Variants in AGBL3 observed in about 807,000 individuals in gnomAD.
AGBL3 encodes the protein cytosolic carboxypeptidase 3.
AGBL3 carries 68 observed loss-of-function variants against 94.5 expected under a neutral mutation model. The ratio of observed to expected loss-of-function variants is 0.72; its 90% CI spans 0.59 to 0.88. The LOEUF is 0.88. Among genes scored for constraint, AGBL3 ranks in the 40% least tolerant of loss-of-function variants. The pLI is 0.00. For synonymous variants in AGBL3, 354 were observed against 370.7 expected (o/e 0.95, Z 0.52); for missense variants, 934 against 1,103.8 (o/e 0.85, Z 2.18).
intron 4 of AGBL3, among the ~76,000 whole-genome samples, chr7:135,016,794 T>A (rs903321539): frequency 1.3e-5 from 2 of 152,130 alleles, no homozygotes; most frequent in Non-Finnish European, 2.9e-5. Flanking sequence ...AAAATAGGTA[T>A]AAAATCAGTA....
chr7:135,106,579 G>A (rs1292128608), intron 15 of AGBL3, among the ~76,000 whole-genome samples: 1 of 152,198 alleles, frequency 6.6e-6, no homozygotes, highest in Middle Eastern at 3.2e-3. Context: ...GATCATGGTG[G>A]ATTAGCTTTT....
intron 16 of AGBL3, among the ~76,000 whole-genome samples, chr7:135,130,414 T>G (rs184173619): frequency 6.6e-6 from 1 of 152,276 alleles, no homozygotes; most frequent in African/African-American, 2.4e-5. Context: ...TCAGAAGAAT[T>G]TAAGTTCTAT....
chr7:135,009,182 T>A (rs1347053234), intron 4 of AGBL3, among the ~76,000 whole-genome samples: 2 of 152,206 alleles, frequency 1.3e-5, no homozygotes, highest in Non-Finnish European at 2.9e-5. Context: ...ATACAAACGT[T>A]AACGGCAGCA....
At chr7:134,991,913 C>T (rs1032459448) in intron 3 of AGBL3, among the ~76,000 whole-genome samples, 3 of 152,192 alleles carry the variant, frequency 2.0e-5, no homozygotes, top group African/African-American at 7.2e-5. Flanking sequence ...CAGGCCAGAG[C>T]AAACAAGGGG....
intron 8 of AGBL3, among the ~76,000 whole-genome samples, chr7:135,043,692 C>G (rs1817085215): frequency 6.6e-6 from 1 of 151,982 alleles, no homozygotes; most frequent in Admixed American, 6.6e-5. Flanking sequence ...ATCTCATGTA[C>G]ACCCTGTATA....
At chr7:135,126,196 C>T (rs1198514814) in intron 16 of AGBL3, among the ~76,000 whole-genome samples, 1 of 152,210 alleles carries the variant, frequency 6.6e-6, no homozygotes, top group Non-Finnish European at 1.5e-5. Flanking sequence ...TCAGCAAAGT[C>T]TCAGAATACA....
chr7:135,029,721 T>G (rs1245407364), intron 5 of AGBL3, among the ~76,000 whole-genome samples: 1 of 152,224 alleles, frequency 6.6e-6, no homozygotes, highest in African/African-American at 2.4e-5. Context: ...GCCTAGCTTT[T>G]GGCCTATCTT....
At chr7:135,046,509 A>G (rs2881818) in intron 11 of AGBL3, among the ~76,000 whole-genome samples, 67,117 of 151,898 alleles carry the variant, frequency 0.44, 15,480 homozygotes, top group East Asian at 0.78. Flanking sequence ...GAAACCACAG[A>G]TATTTTAAAC....
chr7:135,090,759 C>A (rs1347814805), intron 15 of AGBL3, among the ~76,000 whole-genome samples: 4 of 152,156 alleles, frequency 2.6e-5, no homozygotes, highest in Non-Finnish European at 5.9e-5. Context: ...CTAAGCTCCA[C>A]CCTAAGGGTG....
chr7:135,123,786 C>A (rs192479712), intron 16 of AGBL3, among the ~76,000 whole-genome samples: 6 of 152,040 alleles, frequency 3.9e-5, no homozygotes, highest in African/African-American at 1.4e-4. Flanking sequence ...TCATATGTGG[C>A]CAAACTAATC....
chr7:135,037,899 A>G (rs1184652770), intron 8 of AGBL3, among the ~76,000 whole-genome samples: 1 of 152,106 alleles, frequency 6.6e-6, no homozygotes, highest in African/African-American at 2.4e-5. Context: ...ATAGTCATTG[A>G]GTGCCTAAAT....
rs1585323658 is a variant in AGBL3, at chr7:135,134,992, C to G, written c.2494C>G (p.Pro832Ala). The change falls in exon 17 of 17, where the codon CCT (proline) becomes GCT (alanine). Residue 832 changes from proline (P) to alanine (A), a missense_variant. Pro to Ala is a conservative substitution (Grantham distance 27). Coordinates refer to ENST00000436302, the MANE Select transcript of AGBL3 (RefSeq NM_178563.4). ...CCACAGGTCATTGGAAAGTTTATCA[C>G]CTCTCAAAGGCCCCAAGAAGAATAA... is the stretch of plus-strand genomic sequence containing the variant. ...KPHRSLESLS[P>A]LKGPKKNKHS... 3 of 1,551,054 alleles carry G rather than the reference C, an allele frequency of 1.9e-6. No homozygotes were observed. Among genetic ancestry groups the G allele is most frequent in the African/African-American group, 2.7e-5 (2 of 72,986 alleles).
chr7:135,083,836 A>ATTTTGT (rs1821113907), intron 15 of AGBL3, among the ~76,000 whole-genome samples: 1 of 152,210 alleles, frequency 6.6e-6, no homozygotes, highest in Admixed American at 6.5e-5. Flanking sequence ...AGAATTACCA[A>ATTTTGT]AAGAGTTTAT....
rs781545620 is a variant in AGBL3 at position 135,017,190 on chromosome 7, AAT to A, written c.418+35_418+36del. On this transcript the variant is annotated intron_variant, in intron 5 of 16. Coordinates refer to ENST00000436302, the MANE Select transcript of AGBL3 (RefSeq NM_178563.4). ...CACATAATGACACATGTTGCTGTAA[AAT>A]ATAATTTGGTACTTAGGTTAATCTC... The A allele has an allele frequency of 1.8e-5, 26 of 1,433,608 alleles. No individual in the cohort carries two copies. The East Asian group carries it at 6.5e-4, about 36-fold the overall frequency. The allele number at this position is 1,433,608 out of a possible 1,614,324, so 88.8% of individuals were successfully genotyped here.
intron 4 of AGBL3, among the ~76,000 whole-genome samples, chr7:135,008,586 T>C (rs939803066): frequency 3.3e-5 from 5 of 150,600 alleles, no homozygotes; most frequent in Non-Finnish European, 3.0e-5. Flanking sequence ...AATGGATTCT[T>C]AGGTATAATG....
At chr7:135,032,113 G>A (rs1212836794) in intron 5 of AGBL3, among the ~76,000 whole-genome samples, 2 of 152,098 alleles carry the variant, frequency 1.3e-5, no homozygotes, top group Non-Finnish European at 2.9e-5. Flanking sequence ...GCAAGCCAGG[G>A]CTCAACATGG....
At chr7:135,041,241 A>G (rs963029778) in intron 8 of AGBL3, among the ~76,000 whole-genome samples, 1 of 152,244 alleles carries the variant, frequency 6.6e-6, no homozygotes, top group Admixed American at 6.5e-5. Flanking sequence ...AAATCACAGC[A>G]TAATTGTTTA....
intron 1 of AGBL3, 121 bp from the exon 2 acceptor site, chr7:134,987,754 A>G (rs144100230): frequency 5.7e-6 from 3 of 529,776 alleles, no homozygotes; most frequent in African/African-American, 2.0e-5. Flanking sequence ...GTTGTATTCT[A>G]ATTAGTTTTT....
intron 15 of AGBL3, among the ~76,000 whole-genome samples, chr7:135,097,325 A>G (rs1823056492): frequency 6.6e-6 from 1 of 152,186 alleles, no homozygotes; most frequent in Admixed American, 6.5e-5. Context: ...ACACTGAATC[A>G]TGGCAACAAA....
Sources: allele counts gnomAD v4.1 joint callset (sites outside exome capture counted in the v4.1 genomes callset), GRCh38; gene constraint gnomAD v4.1.1; transcripts MANE v1.5; gene names NCBI Gene and HGNC (gene_info 2026-07-23, HGNC 2026-07-21).